ARMC1: variants seen among roughly 807,000 people sequenced by gnomAD.
The protein encoded by ARMC1 is armadillo repeat-containing protein 1.
A neutral mutation model predicts 31.4 loss-of-function variants in ARMC1; 16 were observed. The ratio of observed to expected loss-of-function variants is 0.51; its 90% CI spans 0.34 to 0.77. The LOEUF (loss-of-function observed/expected upper bound fraction) is 0.77. ARMC1 is among the 30% of genes least tolerant of loss of function. The pLI, the probability that ARMC1 is intolerant of heterozygous loss-of-function variation, is 0.01. For synonymous variants in ARMC1, 114 were observed against 118.9 expected, an observed-to-expected ratio of 0.96 and a Z score of 0.27; for missense variants, 259 against 347.5, an observed-to-expected ratio of 0.75 and a Z score of 2.02.
intron 1 of ARMC1, among the ~76,000 whole-genome samples, chr8:65,633,368 G>T (rs1808692928): frequency 6.6e-6 from 1 of 152,180 alleles, no homozygotes; most frequent in Non-Finnish European, 1.5e-5. Flanking sequence ...TAGAGCCTCA[G>T]TTATCTCACA....
At chr8:65,611,242 C>T (rs1808133546) in intron 4 of ARMC1, among the ~76,000 whole-genome samples, 1 of 152,008 alleles carries the variant, frequency 6.6e-6, no homozygotes, top group Non-Finnish European at 1.5e-5. Flanking sequence ...CCCTCACTTA[C>T]CCTTTTGATG....
rs770020189 is a variant in ARMC1, at chr8:65,627,377, T to C, written c.22A>G (p.Met8Val). ...GATAGAGCGTCAGGCTCTTCACTCA[T>C]GGTGGAAGTGGAAGAATTCATCTTC... MNSSTST[M>V]SEEPDALSVV... The change falls in exon 2 of 7, where the codon ATG (methionine) becomes GTG (valine). Residue 8 changes from methionine (M) to valine (V), a missense_variant. Transcript: ENST00000276569. 2 of 1,583,128 alleles carry C rather than the reference T, an allele frequency of 1.3e-6. No homozygotes were observed. The highest frequency in any genetic ancestry group is 1.9e-5 in the Admixed American group (1 of 53,722).
chr8:65,612,370 T>C (rs990382455), intron 4 of ARMC1, among the ~76,000 whole-genome samples: 1 of 149,200 alleles, frequency 6.7e-6, no homozygotes, highest in African/African-American at 2.5e-5. Flanking sequence ...GCAGAAAGAT[T>C]ACTTGAGCCC....
chr8:65,622,418 T>C, intron 2 of ARMC1, 64 bp from the exon 3 acceptor site: 1 of 1,272,228 alleles, frequency 7.9e-7, no homozygotes, highest in Non-Finnish European at 1.1e-6. Context: ...AAACTACTAC[T>C]AATTTACTGC....
chr8:65,612,540 G>A (rs1808163845), intron 4 of ARMC1, among the ~76,000 whole-genome samples: 1 of 152,088 alleles, frequency 6.6e-6, no homozygotes, highest in Admixed American at 6.6e-5. Flanking sequence ...TTCTGTTACT[G>A]ATTTCTAATT....
At chr8:65,617,450 C>T (rs1808296105) in intron 3 of ARMC1, among the ~76,000 whole-genome samples, 1 of 152,098 alleles carries the variant, frequency 6.6e-6, no homozygotes, top group South Asian at 2.1e-4. Context: ...TCACCACTCC[C>T]TAATCTCAAG....
At chr8:65,617,100 C>T (rs1362209975) in intron 3 of ARMC1, among the ~76,000 whole-genome samples, 2 of 152,176 alleles carry the variant, frequency 1.3e-5, no homozygotes, top group South Asian at 2.1e-4. Context: ...CTCTGCCCGG[C>T]GGCCACCCTG....
intron 3 of ARMC1, among the ~76,000 whole-genome samples, chr8:65,619,156 C>G (rs912134258): frequency 1.3e-5 from 2 of 152,020 alleles, no homozygotes; most frequent in African/African-American, 4.8e-5. Flanking sequence ...CTTAGTAATT[C>G]GCCAGTAAAA....
chr8:65,615,300 T>C (rs1018724569), intron 3 of ARMC1, among the ~76,000 whole-genome samples: 6 of 151,820 alleles, frequency 4.0e-5, no homozygotes, highest in African/African-American at 1.5e-4. Flanking sequence ...TAGAGTTTAT[T>C]GAAAAGTCAC....
chr8:65,626,245 T>A (rs1229623308), intron 2 of ARMC1, among the ~76,000 whole-genome samples: 1 of 152,042 alleles, frequency 6.6e-6, no homozygotes, highest in Admixed American at 6.6e-5. Context: ...AATATAGACA[T>A]ACAAAAAGTA....
chr8:65,630,489 T>C (rs886284736), intron 1 of ARMC1, among the ~76,000 whole-genome samples: 1 of 152,166 alleles, frequency 6.6e-6, no homozygotes, highest in African/African-American at 2.4e-5. Flanking sequence ...AGCTTTCCTG[T>C]TCCTTTGGGA....
At chr8:65,619,722 G>A (rs192862255) in intron 3 of ARMC1, among the ~76,000 whole-genome samples, 67 of 151,752 alleles carry the variant, frequency 4.4e-4, no homozygotes, top group Middle Eastern at 6.8e-3. Context: ...AGTGACTCAC[G>A]CCTGTAATCC....
Position 65,625,887 on chromosome 8 carries a change from C to CT in ARMC1, c.183+1328dup, listed in dbSNP as rs1318215282. Among the ~76,000 whole-genome samples the CT allele has an allele frequency of 5.2e-3, 738 of 141,658 alleles. 1 individual carries two copies. Among genetic ancestry groups the CT allele is most frequent in the South Asian group, 0.028 (120 of 4,362 alleles). The allele number at this position is 141,658 out of a possible 152,430, so 92.9% of individuals were successfully genotyped here. The stretch of plus-strand genomic sequence containing the variant: ...TCCAAAACATTAATTTTTTTAACAA[C>CT]TTTTTTTTTTTTTTTTTTGAGACGG... On this transcript the variant is annotated intron_variant, in intron 2 of 6. Transcript: ENST00000276569.
chr8:65,629,141 C>A (rs184085041), intron 1 of ARMC1, among the ~76,000 whole-genome samples: 12 of 142,878 alleles, frequency 8.4e-5, no homozygotes, highest in African/African-American at 2.6e-4. Context: ...GATGACAGGG[C>A]GAGACTCCAT....
intron 1 of ARMC1, among the ~76,000 whole-genome samples, chr8:65,627,646 T>A (rs927240893): frequency 6.6e-6 from 1 of 152,228 alleles, no homozygotes; most frequent in African/African-American, 2.4e-5. Context: ...AAAGAACATA[T>A]GTTGTCCTCA....
intron 4 of ARMC1, among the ~76,000 whole-genome samples, chr8:65,606,956 C>G (rs1324435907): frequency 6.6e-6 from 1 of 152,240 alleles, no homozygotes; most frequent in South Asian, 2.1e-4. Context: ...AAATCACACT[C>G]TCTACATTTT....
In ARMC1 at chr8:65,603,672, T is replaced by C. The variant is rs1440007670; in HGVS notation, c.*722A>G. On this transcript the variant is annotated 3_prime_UTR_variant, in exon 7 of 7. Coordinates refer to ENST00000276569, the MANE Select transcript of ARMC1 (RefSeq NM_018120.6). ...TGAAAAGAAGTCAACTAGAACCACATTTGGTCACATTCAAACAGTCTCCAA... is the reference window on the plus strand; with the variant it reads ...TGAAAAGAAGTCAACTAGAACCACACTTGGTCACATTCAAACAGTCTCCAA... 6.6e-6 allele frequency: 1 copy of C among 152,154 alleles called. No individual in the cohort carries two copies. Among genetic ancestry groups the C allele is most frequent in the Non-Finnish European group, 1.5e-5 (1 of 68,014 alleles). 9.4% of individuals were successfully genotyped at this position (152,154 alleles called of 1,614,324 possible).
At chr8:65,629,141 C>T (rs184085041) in intron 1 of ARMC1, among the ~76,000 whole-genome samples, 1 of 142,818 alleles carries the variant, frequency 7.0e-6, no homozygotes, top group African/African-American at 2.6e-5. Context: ...GATGACAGGG[C>T]GAGACTCCAT....
intron 3 of ARMC1, among the ~76,000 whole-genome samples, chr8:65,616,817 C>T (rs1384854398): frequency 6.7e-6 from 1 of 148,936 alleles, no homozygotes; most frequent in Non-Finnish European, 1.5e-5. Flanking sequence ...CGTCTCTGCC[C>T]GGCCGCCCTG....
Sources: gnomAD v4.1 joint callset for allele counts (sites outside exome capture counted in the v4.1 genomes callset) on GRCh38, gnomAD v4.1.1 for gene constraint, MANE v1.5 for transcripts, NCBI Gene and HGNC (gene_info 2026-07-23, HGNC 2026-07-21) for gene names.